Variants in NLRP14 observed in about 807,000 individuals in gnomAD.
The protein encoded by NLRP14 is NACHT, LRR and PYD domains-containing protein 14.
In NLRP14, 105 loss-of-function variants were observed where a neutral mutation model predicts 94.7. That is an observed-to-expected ratio of 1.11 (90% CI 0.95 to 1.30). The LOEUF is 1.30. Among genes scored for constraint, NLRP14 ranks in the 50% most tolerant of loss-of-function variants. NLRP14 has a pLI of 0.00. For synonymous variants in NLRP14, 508 were observed against 459.9 expected (o/e 1.10, Z -1.34); for missense variants, 1,362 against 1,254.1 (o/e 1.09, Z -1.30).
chr11:7,089,864 C>T, the NLRP14 span: 1 of 1,612,684 alleles, frequency 6.2e-7, no homozygotes, highest in Admixed American at 1.7e-5. Context: ...ACTCCAGTGT[C>T]CGGGACGACT....
At position 7,046,805 on chromosome 11, in the gene NLRP14, A is replaced by G; in HGVS notation, c.2096A>G (p.His699Arg). The G allele has an allele frequency of 6.2e-7, 1 of 1,613,738 alleles. No homozygotes were observed. The highest frequency in any genetic ancestry group is 8.5e-7 in the Non-Finnish European group (1 of 1,179,652). The stretch of plus-strand genomic sequence containing the variant: ...AATATCCTGCATCATGAACTAAGGC[A>G]CCCAAACTGTAAACTACAAAAGCTA... The part of the protein sequence containing the change: ...AMNILHHELR[H>R]PNCKLQKLLL... The change falls in exon 5 of 12, where the codon CAC becomes CGC. Residue 699 changes from histidine (H) to arginine (R), a missense_variant. Coordinates refer to ENST00000299481, the MANE Select transcript of NLRP14 (RefSeq NM_176822.4).
rs1389856003 is a variant in NLRP14 at position 7,020,548 on chromosome 11, G to C, written c.-244G>C. Reference sequence around the variant, plus strand: ...AGGACGCACCAGCATTAATGGAATAGGAGAACTCCCGAAGCTTTTAGGGCC... The same window carrying C: ...AGGACGCACCAGCATTAATGGAATACGAGAACTCCCGAAGCTTTTAGGGCC... On this transcript the variant is annotated 5_prime_UTR_variant, in exon 1 of 12. The change abolishes the stop of an existing upstream ORF in the 5' untranslated region. Coordinates refer to ENST00000299481, the MANE Select transcript of NLRP14 (RefSeq NM_176822.4). 2 of 152,314 alleles carry C rather than the reference G, an allele frequency of 1.3e-5. No homozygotes were observed. Among genetic ancestry groups the C allele is most frequent in the Non-Finnish European group, 2.9e-5 (2 of 68,100 alleles). The allele number at this position is 152,314 out of a possible 1,614,324, so 9.4% of individuals were successfully genotyped here.
intron 1 of NLRP14, among the ~76,000 whole-genome samples, chr11:7,033,159 T>C (rs1342002658): frequency 3.3e-5 from 5 of 152,250 alleles, no homozygotes; most frequent in Admixed American, 6.5e-5. Context: ...GGTTCTACTA[T>C]AGATGAACTC....
At chr11:7,090,677 A>T in the NLRP14 span, 3 of 319,866 alleles carry the variant, frequency 9.4e-6, no homozygotes, top group African/African-American at 6.6e-5. Context: ...AAAACGGATC[A>T]TTCTGCTCAT....
downstream of NLRP14, among the ~76,000 whole-genome samples, chr11:7,076,526 A>C (rs1257923684): frequency 6.6e-6 from 1 of 152,020 alleles, no homozygotes; most frequent in African/African-American, 2.4e-5. Context: ...TGCATACCTG[A>C]TCCTCTCTGG....
chr11:7,039,425 T>C (rs911250558), intron 2 of NLRP14, among the ~76,000 whole-genome samples: 3 of 152,066 alleles, frequency 2.0e-5, no homozygotes, highest in African/African-American at 7.2e-5. Flanking sequence ...CGTATCGTAG[T>C]GAAGTCAGTA....
chr11:7,088,384 A>G, the NLRP14 span, among the ~76,000 whole-genome samples: 1 of 152,216 alleles, frequency 6.6e-6, no homozygotes, highest in Non-Finnish European at 1.5e-5. Context: ...AGCTCAAGGC[A>G]TGATATTAAC....
chr11:7,090,177 T>C, the NLRP14 span: 1 of 1,613,774 alleles, frequency 6.2e-7, no homozygotes, highest in Non-Finnish European at 8.5e-7. Context: ...GCTCTCTCTG[T>C]CCATGGAAAG....
intron 6 of NLRP14, among the ~76,000 whole-genome samples, chr11:7,052,273 A>C (rs1265992416): frequency 6.6e-6 from 1 of 152,216 alleles, no homozygotes; most frequent in Non-Finnish European, 1.5e-5. Context: ...ATAAATGCAG[A>C]GCACTCTCTA....
At chr11:7,057,934 T>C (rs1477445409) in intron 7 of NLRP14, 87 bp downstream of exon 7, 2 of 1,090,062 alleles carry the variant, frequency 1.8e-6, no homozygotes, top group Non-Finnish European at 2.8e-6. Flanking sequence ...ACTTCTTGGG[T>C]CTTGGCACTA....
the NLRP14 span, among the ~76,000 whole-genome samples, chr11:7,088,693 T>TAAC: frequency 1.3e-5 from 2 of 151,630 alleles, no homozygotes; most frequent in Non-Finnish European, 1.5e-5. Context: ...ATTTTAGTAA[T>TAAC]TTAAAAAATT....
chr11:7,071,041 C>T, intron 11 of NLRP14, 132 bp from the exon 12 acceptor site: 1 of 971,142 alleles, frequency 1.0e-6, no homozygotes, highest in Non-Finnish European at 1.6e-6. Flanking sequence ...CCACTCCTCA[C>T]CCATGTTATA....
intron 1 of NLRP14, among the ~76,000 whole-genome samples, chr11:7,037,801 C>G (rs1235191772): frequency 6.6e-6 from 1 of 152,138 alleles, no homozygotes; most frequent in Non-Finnish European, 1.5e-5. Flanking sequence ...TAGTCATTGA[C>G]AAAGCCTGGG....
At chr11:7,033,108 T>C (rs1419248842) in intron 1 of NLRP14, among the ~76,000 whole-genome samples, 2 of 152,250 alleles carry the variant, frequency 1.3e-5, no homozygotes, top group East Asian at 3.8e-4. Flanking sequence ...TTCTTTGCTG[T>C]TTAGGATTTC....
rs373913898 is a variant in NLRP14, at chr11:7,057,243, C to T, written c.2292-434C>T. The stretch of plus-strand genomic sequence containing the variant: ...TAAGGACTGGATTCGTCAGAAAACA[C>T]GGGCTCATGAATAAATGAGCTCACG... On this transcript the variant is annotated intron_variant, in intron 6 of 11. Coordinates refer to ENST00000299481, the MANE Select transcript of NLRP14 (RefSeq NM_176822.4). Among the ~76,000 whole-genome samples, 21 of 152,022 alleles carry T rather than the reference C, an allele frequency of 1.4e-4. No homozygotes were observed. In the South Asian group the frequency reaches 2.3e-3, roughly 17 times the overall value.
chr11:7,065,168 G>A (rs1306541576), intron 10 of NLRP14, among the ~76,000 whole-genome samples: 15 of 151,970 alleles, frequency 9.9e-5, no homozygotes, highest in African/African-American at 2.7e-4. Context: ...GAATCGAATT[G>A]CATTAAATCT....
At chr11:7,073,590 G>C (rs115109654), downstream of NLRP14, among the ~76,000 whole-genome samples, 708 of 152,238 alleles carry the variant, frequency 4.7e-3, 7 homozygotes, top group African/African-American at 0.016. Flanking sequence ...GTTGTGACCT[G>C]TTCTTCTGAC....
rs539128926 is a variant in NLRP14, at chr11:7,024,240, G to A, written c.-22+3470G>A. On this transcript the variant is annotated intron_variant, in intron 1 of 11. Transcript: ENST00000299481. ...ATTTCCAGGGATGCTTGGAGCCATG[G>A]TTTTGATCCTTGGCCAAACCAGAAT... is the stretch of plus-strand genomic sequence containing the variant. Among the ~76,000 whole-genome samples the A allele has an allele frequency of 3.9e-4, 60 of 152,296 alleles. No homozygotes were observed. In the South Asian group the frequency reaches 0.012, roughly 31 times the overall value.
At chr11:7,051,079 C>T (rs576343306) in intron 6 of NLRP14, among the ~76,000 whole-genome samples, 2 of 152,156 alleles carry the variant, frequency 1.3e-5, no homozygotes, top group African/African-American at 2.4e-5. Flanking sequence ...TGAGTAATGT[C>T]GTCCGCTGGT....
Sources: allele counts gnomAD v4.1 joint callset (sites outside exome capture counted in the v4.1 genomes callset), GRCh38; gene constraint gnomAD v4.1.1; transcripts MANE v1.5; gene names NCBI Gene and HGNC (gene_info 2026-07-23, HGNC 2026-07-21).